Variants in GBE1 observed in about 807,000 individuals in gnomAD.
GBE1 encodes the protein 1,4-alpha-glucan-branching enzyme.
In GBE1, 70 loss-of-function variants were observed where a neutral mutation model predicts 88.8. The ratio of observed to expected loss-of-function variants is 0.79; its 90% CI spans 0.65 to 0.96. The LOEUF (loss-of-function observed/expected upper bound fraction) is 0.96, where lower values mean the gene tolerates loss of function less well. GBE1 is among the 40% of genes least tolerant of loss of function. GBE1 has a pLI of 0.00. For missense variants in GBE1, 872 were observed against 871.0 expected (o/e 1.00, Z -0.01); for synonymous variants, 284 against 300.1 (o/e 0.95, Z 0.56).
intron 14 of GBE1, among the ~76,000 whole-genome samples, chr3:81,500,517 T>G (rs545715495): frequency 6.6e-6 from 1 of 152,214 alleles, no homozygotes; most frequent in Non-Finnish European, 1.5e-5. Context: ...TAGAGAGTAA[T>G]GTTCTAGAAT....
chr3:81,661,955 TTA>T (rs1157040699), intron 3 of GBE1, among the ~76,000 whole-genome samples: 2 of 152,202 alleles, frequency 1.3e-5, no homozygotes, highest in Non-Finnish European at 2.9e-5. Flanking sequence ...TTAAATATAT[TTA>T]TGTTTTAACA....
At chr3:81,735,657 T>A (rs925824860) in intron 1 of GBE1, among the ~76,000 whole-genome samples, 1 of 152,182 alleles carries the variant, frequency 6.6e-6, no homozygotes, top group South Asian at 2.1e-4. Context: ...TTTTTATTAA[T>A]TTTCAAAAGT....
At chr3:81,556,431 T>A (rs1159967141) in intron 12 of GBE1, among the ~76,000 whole-genome samples, 1 of 151,976 alleles carries the variant, frequency 6.6e-6, no homozygotes, top group African/African-American at 2.4e-5. Flanking sequence ...CATGAATGTA[T>A]AAAAAGGAAA....
chr3:81,636,416 T>C (rs1417377216), intron 7 of GBE1, among the ~76,000 whole-genome samples: 2 of 152,182 alleles, frequency 1.3e-5, no homozygotes, highest in Non-Finnish European at 2.9e-5. Flanking sequence ...ATATTCTTAG[T>C]GAAGAACAGG....
At chr3:81,705,021 G>A (rs900169045) in intron 2 of GBE1, among the ~76,000 whole-genome samples, 5 of 152,102 alleles carry the variant, frequency 3.3e-5, no homozygotes, top group African/African-American at 9.7e-5. Flanking sequence ...TGAAGACTCC[G>A]AAAAGAGTAT....
chr3:81,668,578 A>C (rs1333578905), intron 3 of GBE1, among the ~76,000 whole-genome samples: 3 of 152,142 alleles, frequency 2.0e-5, no homozygotes. Flanking sequence ...CATGCCTCCT[A>C]CTTGAGCTAA....
chr3:81,606,181 T>G (rs1704099453), intron 7 of GBE1, among the ~76,000 whole-genome samples: 1 of 152,188 alleles, frequency 6.6e-6, no homozygotes, highest in Non-Finnish European at 1.5e-5. Flanking sequence ...AATAAAAGTC[T>G]ATGCTCCCCA....
intron 15 of GBE1, among the ~76,000 whole-genome samples, chr3:81,497,947 A>G (rs1702540052): frequency 6.6e-6 from 1 of 152,212 alleles, no homozygotes; most frequent in Non-Finnish European, 1.5e-5. Flanking sequence ...TCCTTTAAGA[A>G]TGTGATAGCA....
intron 7 of GBE1, among the ~76,000 whole-genome samples, chr3:81,634,246 C>T (rs6809927): frequency 3.3e-5 from 5 of 152,124 alleles, no homozygotes; most frequent in Admixed American, 2.6e-4. Flanking sequence ...CATTTTCAAT[C>T]GTATTATTTT....
At chr3:81,691,998 CT>C (rs1223861239) in intron 2 of GBE1, among the ~76,000 whole-genome samples, 1 of 151,992 alleles carries the variant, frequency 6.6e-6, no homozygotes, top group Non-Finnish European at 1.5e-5. Context: ...TGCTCTAAAC[CT>C]TATTACCCAT....
intron 7 of GBE1, among the ~76,000 whole-genome samples, chr3:81,640,442 G>A (rs567725575): frequency 6.6e-6 from 1 of 151,970 alleles, no homozygotes; most frequent in East Asian, 1.9e-4. Flanking sequence ...TTGGACTCTT[G>A]GGCCTTTCAC....
chr3:81,492,369 G>A (rs533831742), intron 15 of GBE1, among the ~76,000 whole-genome samples: 2 of 151,906 alleles, frequency 1.3e-5, no homozygotes, highest in Non-Finnish European at 2.9e-5. Flanking sequence ...AGTTATCCAC[G>A]AATAAAGCAG....
chr3:81,597,104 A>G (rs1212434726), intron 7 of GBE1, among the ~76,000 whole-genome samples: 1 of 151,910 alleles, frequency 6.6e-6, no homozygotes, highest in East Asian at 1.9e-4. Context: ...CCTCAACTGA[A>G]TGGTTTGCCT....
intron 7 of GBE1, among the ~76,000 whole-genome samples, chr3:81,639,953 T>C (rs1209208334): frequency 1.3e-5 from 2 of 152,054 alleles, no homozygotes; most frequent in Non-Finnish European, 2.9e-5. Context: ...AAATTGTGAG[T>C]TTGGGAACAA....
At chr3:81,495,215 C>T (rs1702485438) in intron 15 of GBE1, among the ~76,000 whole-genome samples, 1 of 152,100 alleles carries the variant, frequency 6.6e-6, no homozygotes, top group Admixed American at 6.6e-5. Context: ...ATGATGAAAC[C>T]TCGTCTCTAC....
intron 14 of GBE1, among the ~76,000 whole-genome samples, chr3:81,510,753 A>G (rs1360999009): frequency 6.6e-6 from 1 of 152,102 alleles, no homozygotes; most frequent in Non-Finnish European, 1.5e-5. Context: ...AAAAATAAGC[A>G]AAGGGAGTTT....
At chr3:81,726,438 G>T (rs770846120) in intron 1 of GBE1, among the ~76,000 whole-genome samples, 1 of 152,122 alleles carries the variant, frequency 6.6e-6, no homozygotes, top group South Asian at 2.1e-4. Flanking sequence ...GACTCTCAGT[G>T]TAACAGGCAG....
chr3:81,609,126 A>G (rs1373289205), intron 7 of GBE1, among the ~76,000 whole-genome samples: 4 of 152,154 alleles, frequency 2.6e-5, no homozygotes, highest in Non-Finnish European at 4.4e-5. Context: ...TCCTCCTGGC[A>G]TAAGGAGGGC....
At chr3:81,568,244 T>G (rs945210512) in intron 12 of GBE1, among the ~76,000 whole-genome samples, 4 of 151,898 alleles carry the variant, frequency 2.6e-5, no homozygotes, top group Admixed American at 6.6e-5. Flanking sequence ...GCCTCCCGGG[T>G]TCAAGTGATT....
Sources: gnomAD v4.1 joint callset for allele counts (sites outside exome capture counted in the v4.1 genomes callset) on GRCh38, gnomAD v4.1.1 for gene constraint, MANE v1.5 for transcripts, NCBI Gene and HGNC (gene_info 2026-07-23, HGNC 2026-07-21) for gene names.